SNAPC4: variants seen among roughly 807,000 people sequenced by gnomAD.
The protein encoded by SNAPC4 is snRNA-activating protein complex subunit 4.
In SNAPC4, 127 loss-of-function variants were observed where a neutral mutation model predicts 151.3. The observed-to-expected ratio is 0.84, with a 90% confidence interval of 0.73 to 0.97. The LOEUF (loss-of-function observed/expected upper bound fraction) is 0.97, where lower values mean the gene tolerates loss of function less well. Among genes scored for constraint, SNAPC4 ranks in the 50% least tolerant of loss-of-function variants. The pLI, the probability that SNAPC4 is intolerant of heterozygous loss-of-function variation, is 0.00. For missense variants in SNAPC4, 2,186 were observed against 1,935.0 expected, an observed-to-expected ratio of 1.13 and a Z score of -2.43; for synonymous variants, 1,002 against 824.4, an observed-to-expected ratio of 1.22 and a Z score of -3.69.
chr9:136,377,459 C>A (rs938969801), intron 22 of SNAPC4, 84 bp downstream of exon 22: 7 of 1,453,538 alleles, frequency 4.8e-6, no homozygotes, highest in Non-Finnish European at 6.3e-6. Context: ...TTCCACCAGC[C>A]CCCACCCCAC....
chr9:136,398,346 G>T lies in SNAPC4; in HGVS notation c.83C>A (p.Ser28Tyr). Residue 28 changes from serine to tyrosine, a missense_variant, in exon 2 of 24, where the codon TCC becomes TAC. By Grantham distance (144) the Ser-to-Tyr change is moderately radical. Coordinates refer to ENST00000684778, the MANE Select transcript of SNAPC4 (RefSeq NM_003086.4). ...ACTTGATTCTGAGATCTCCACGTGGGAGCCCGAGGAGCCGGGATCCAAAAT... is the reference window on the plus strand; with the variant it reads ...ACTTGATTCTGAGATCTCCACGTGGTAGCCCGAGGAGCCGGGATCCAAAAT... ...ERILDPGSSG[S>Y]HVEISESSLE... The T allele has an allele frequency of 8.1e-6, 13 of 1,613,900 alleles. No individual in the cohort carries two copies. Among genetic ancestry groups the T allele is most frequent in the Non-Finnish European group, 1.1e-5 (13 of 1,179,886 alleles).
chr9:136,376,297 A>G lies in SNAPC4; in HGVS notation c.*7+52T>C. The stretch of plus-strand genomic sequence containing the variant: ...GGCCAAGGCCCCCTGCCATCTGGAC[A>G]CCACTCTGTCCCCTGGGTTGTAGGG... On this transcript the variant is annotated intron_variant, in intron 23 of 23. Transcript: ENST00000684778. 2.5e-6 allele frequency: 4 copies of G among 1,598,142 alleles called. No individual in the cohort carries two copies. In the South Asian group the frequency reaches 3.3e-5, roughly 13 times the overall value.
chr9:136,387,908 G>C, intron 11 of SNAPC4, 60 bp from the exon 12 acceptor site: 1 of 938,062 alleles, frequency 1.1e-6, no homozygotes, highest in Non-Finnish European at 1.8e-6. Flanking sequence ...CCATAGAGTA[G>C]ACAGCTAGGG....
rs1834341199 is a variant in SNAPC4, at chr9:136,398,243, G to A, written c.130+56C>T. 5 of 1,561,224 alleles carry A rather than the reference G, an allele frequency of 3.2e-6. No individual in the cohort carries two copies. In the Admixed American group the frequency reaches 5.4e-5, roughly 17 times the overall value. On this transcript the variant is annotated intron_variant, in intron 2 of 23. Transcript: ENST00000684778. ...CCTAATGTGCCTGAGAGGAACCCAG[G>A]AGGCAGACCAGCTGTTCTTACCAGG...
chr9:136,390,638 G>C (rs1834038173), intron 10 of SNAPC4, among the ~76,000 whole-genome samples: 1 of 149,966 alleles, frequency 6.7e-6, no homozygotes, highest in South Asian at 2.1e-4. Flanking sequence ...GTGATGGGCT[G>C]ATCTATGCAA....
At position 136,377,947 on chromosome 9, in the gene SNAPC4, C is replaced by A. The variant is rs1025285104; in HGVS notation, c.3880G>T (p.Val1294Leu). 1 of 1,604,546 alleles carries A rather than the reference C, an allele frequency of 6.2e-7. No homozygotes were observed. Among genetic ancestry groups the A allele is most frequent in the Non-Finnish European group, 8.5e-7 (1 of 1,175,620 alleles). The change falls in exon 22 of 24, where the codon GTG becomes TTG. Residue 1294 changes from valine to leucine, a missense_variant. Transcript: ENST00000684778. ...GGCAGTCTGCTGCCCAGAAGAGGCACACGCACCCCCCGCTGGCCCCCCAGC... is the reference window on the plus strand; with the variant it reads ...GGCAGTCTGCTGCCCAGAAGAGGCAAACGCACCCCCCGCTGGCCCCCCAGC... ...QWLGGQRGVR[V>L]PLLGSRLPYQ...
rs1834298302 is a variant in SNAPC4, at chr9:136,397,043, C to CA, written c.131-21dup. ...GTGAATCTGTCAGAAACACAAGCAA[C>CA]ACCGTGTTGGTAACCAGCGTCTTGG... On this transcript the variant is annotated intron_variant, in intron 2 of 23. Coordinates refer to ENST00000684778, the MANE Select transcript of SNAPC4 (RefSeq NM_003086.4). 6.2e-7 allele frequency: 1 copy of CA among 1,610,770 alleles called. No individual in the cohort carries two copies. The highest frequency in any genetic ancestry group is 1.7e-5 in the Admixed American group (1 of 60,006).
chr9:136,395,740 C>T lies in SNAPC4; in HGVS notation c.208G>A (p.Asp70Asn), dbSNP rs1194441831. 10 of 1,613,166 alleles carry T rather than the reference C, an allele frequency of 6.2e-6. No homozygotes were observed. The highest frequency in any genetic ancestry group is 8.5e-6 in the Non-Finnish European group (10 of 1,179,792). ...GTTTTATCCTTGGGATCGTCCTCGT[C>T]ATTGCTGGCTTCGCCCCACCTTTCT... ...EEERWGEASN[D>N]EDDPKDKTLP... The change falls in exon 4 of 24, where the codon GAC (aspartate) becomes AAC (asparagine). Residue 70 changes from aspartate to asparagine, a missense_variant. Coordinates refer to ENST00000684778, the MANE Select transcript of SNAPC4 (RefSeq NM_003086.4).
rs1364625502 is a variant in SNAPC4 at position 136,391,809 on chromosome 9, C to T, written c.975+133G>A. ...CAGGCTCCTTCCCTAGGGCCACAGCCTGGAGGTGGCAACACATAGAAACCT... is the reference window on the plus strand; with the variant it reads ...CAGGCTCCTTCCCTAGGGCCACAGCTTGGAGGTGGCAACACATAGAAACCT... On this transcript the variant is annotated intron_variant, in intron 10 of 23. Transcript: ENST00000684778. 3 of 962,918 alleles carry T rather than the reference C, an allele frequency of 3.1e-6. No homozygotes were observed. The South Asian group carries it at 5.0e-5, about 16-fold the overall frequency. 59.6% of individuals were successfully genotyped at this position (962,918 alleles called of 1,614,324 possible). A position where few individuals can be genotyped will look rare whatever the true frequency, so the allele number is the denominator to read the frequency against.
chr9:136,398,512 G>A (rs1016094743), intron 1 of SNAPC4, 75 bp from the exon 2 acceptor site: 7 of 1,529,706 alleles, frequency 4.6e-6, no homozygotes, highest in Middle Eastern at 1.7e-4. Flanking sequence ...AGACACACCC[G>A]CCCATGGGGG....
At chr9:136,388,392 T>G in intron 11 of SNAPC4, 52 bp downstream of exon 11, 1 of 1,586,026 alleles carries the variant, frequency 6.3e-7, no homozygotes. Context: ...TCCAGTGTCC[T>G]GATATGGGGC....
At position 136,387,574 on chromosome 9, in the gene SNAPC4, C is replaced by T. The variant is rs1432037730; in HGVS notation, c.1236G>A (p.Leu412=). 1.9e-6 allele frequency: 3 copies of T among 1,612,634 alleles called. No individual in the cohort carries two copies. In the East Asian group the frequency reaches 6.7e-5, roughly 36 times the overall value. ...GYWAPEEDAK[L]LQAVAKYGEQ... is the part of the protein sequence containing the mutation. ...CCCCGTATTTGGCAACAGCTTGAAG[C>T]AACTTCTGCAGGAAGGGACAGGCAG... The change falls in exon 13 of 24, where the codon TTG becomes TTA. Residue 412 remains leucine, a synonymous_variant. Coordinates refer to ENST00000684778, the MANE Select transcript of SNAPC4 (RefSeq NM_003086.4).
At chr9:136,379,391 G>A in intron 21 of SNAPC4, 92 bp from the exon 22 acceptor site, 1 of 1,561,144 alleles carries the variant, frequency 6.4e-7, no homozygotes, top group South Asian at 1.2e-5. Context: ...GAGGGACCAT[G>A]TGGGGAGCCT....
chr9:136,398,272 C>A, intron 2 of SNAPC4, 27 bp downstream of exon 2: 1 of 1,599,222 alleles, frequency 6.3e-7, no homozygotes, highest in Non-Finnish European at 8.6e-7. Flanking sequence ...TACCAGGACC[C>A]CAGGAGGCTA....
At chr9:136,390,554 G>GA (rs58732608) in intron 10 of SNAPC4, among the ~76,000 whole-genome samples, 18,907 of 48,796 alleles carry the variant, frequency 0.39, 3,197 homozygotes, top group East Asian at 0.58. Context: ...GACTCTGTTT[G>GA]AAAAAAAAAA....
intron 20 of SNAPC4, among the ~76,000 whole-genome samples, chr9:136,380,492 T>C (rs527407130): frequency 1.3e-5 from 2 of 152,314 alleles, no homozygotes; most frequent in African/African-American, 4.8e-5. Context: ...ACAGCGCCCA[T>C]GTCCATGACC....
At position 136,396,977 on chromosome 9, in the gene SNAPC4, C is replaced by T; in HGVS notation, c.177G>A (p.Ser59=). The T allele has an allele frequency of 4.3e-6, 7 of 1,612,734 alleles. No homozygotes were observed. The highest frequency in any genetic ancestry group is 2.2e-5 in the East Asian group (1 of 44,900). ...EDLDPADPPI[S]EEERWGEASN... ...ACAGCCAGATCAGGCCAACAGTTAC[C>T]GAGATCGGGGGATCGGCAGGATCCA... Residue 59 remains serine (S), a splice_region_variant and synonymous_variant, in exon 3 of 24, where the codon TCG becomes TCA. Coordinates refer to ENST00000684778, the MANE Select transcript of SNAPC4 (RefSeq NM_003086.4).
chr9:136,393,200 C>T (rs1250114031), intron 7 of SNAPC4, among the ~76,000 whole-genome samples: 2 of 152,224 alleles, frequency 1.3e-5, no homozygotes, highest in Non-Finnish European at 2.9e-5. Context: ...CAGCTCTCCC[C>T]GAGCCTGAGG....
intron 10 of SNAPC4, among the ~76,000 whole-genome samples, chr9:136,390,503 T>C (rs1443985075): frequency 7.8e-6 from 1 of 127,840 alleles, no homozygotes; most frequent in Non-Finnish European, 1.5e-5. Flanking sequence ...TGCGGTGAGC[T>C]GAGATCGTGC....
Sources: gnomAD v4.1 joint callset for allele counts (sites outside exome capture counted in the v4.1 genomes callset) on GRCh38, gnomAD v4.1.1 for gene constraint, MANE v1.5 for transcripts, NCBI Gene and HGNC (gene_info 2026-07-23, HGNC 2026-07-21) for gene names.